Variants in ZNF71 observed in about 807,000 individuals in gnomAD.
ZNF71 encodes zinc finger protein 71, also known as endothelial zinc finger protein induced by tumor necrosis factor alpha.
Under a neutral mutation model 6.7 loss-of-function variants are expected in ZNF71, and 3 were observed. The ratio of observed to expected loss-of-function variants is 0.45; its 90% CI spans 0.20 to 1.16. The LOEUF (loss-of-function observed/expected upper bound fraction) is 1.16, where lower values mean the gene tolerates loss of function less well. ZNF71 is among the 50% of genes most tolerant of loss of function. The pLI, the probability that ZNF71 is intolerant of heterozygous loss-of-function variation, is 0.25. For synonymous variants in ZNF71, 343 were observed against 311.1 expected, an observed-to-expected ratio of 1.10 and a Z score of -1.08; for missense variants, 688 against 728.6, an observed-to-expected ratio of 0.94 and a Z score of 0.64.
chr19:56,615,858 A>G (rs1369561267), intron 3 of ZNF71, among the ~76,000 whole-genome samples: 1 of 152,138 alleles, frequency 6.6e-6, no homozygotes, highest in Non-Finnish European at 1.5e-5. Flanking sequence ...TATCTAAACA[A>G]TCTAACTCAA....
At position 56,622,784 on chromosome 19, in the gene ZNF71, C is replaced by T. The variant is rs775720585; in HGVS notation, c.*27C>T. The T allele has an allele frequency of 7.0e-6, 11 of 1,568,038 alleles. No individual in the cohort carries two copies. Among genetic ancestry groups the T allele is most frequent in the South Asian group, 6.0e-5 (5 of 83,110 alleles). On this transcript the variant is annotated 3_prime_UTR_variant, in exon 4 of 4. Transcript: ENST00000599599. ...CGCCTCTGTGCAGGGCTCTCACTGG[C>T]GGTGCCCAGGACGGACGCCAGATGG... is the stretch of plus-strand genomic sequence containing the variant.
At chr19:56,597,550 G>A (rs1022772874) in intron 1 of ZNF71, among the ~76,000 whole-genome samples, 2 of 152,200 alleles carry the variant, frequency 1.3e-5, no homozygotes, top group Non-Finnish European at 2.9e-5. Context: ...TCACAAAGGG[G>A]CTAAAGGTAT....
At chr19:56,620,066 G>T (rs368636187) in intron 3 of ZNF71, among the ~76,000 whole-genome samples, 3 of 152,320 alleles carry the variant, frequency 2.0e-5, no homozygotes, top group East Asian at 1.9e-4. Flanking sequence ...GGCAGCGTGT[G>T]ACGTAGCAAC....
chr19:56,622,693 G>A lies in ZNF71; in HGVS notation c.1586G>A (p.Gly529Asp), dbSNP rs1371317112. ...ACGGGCGAGAAGCCCTACCGATGCGGCGAGTGCGGGAAGACCTTCAGCCGC... is the reference window on the plus strand; with the variant it reads ...ACGGGCGAGAAGCCCTACCGATGCGACGAGTGCGGGAAGACCTTCAGCCGC... Reference protein sequence around the residue: ...IHTGEKPYRCGECGKTFSRNT... With the variant: ...IHTGEKPYRCDECGKTFSRNT... Residue 529 changes from glycine (G) to aspartate (D), a missense_variant, in exon 4 of 4, where the codon GGC becomes GAC. Transcript: ENST00000599599. 6.2e-7 allele frequency: 1 copy of A among 1,613,914 alleles called. No individual in the cohort carries two copies. The highest frequency in any genetic ancestry group is 8.5e-7 in the Non-Finnish European group (1 of 1,179,842).
intron 2 of ZNF71, among the ~76,000 whole-genome samples, chr19:56,612,364 C>T (rs61142826): frequency 6.6e-6 from 1 of 152,024 alleles, no homozygotes; most frequent in African/African-American, 2.4e-5. Context: ...GTGATACACA[C>T]ACATATAATA....
Position 56,622,166 on chromosome 19 carries a change from C to G in ZNF71, c.1059C>G (p.Thr353=). ...MHLTEHQRTH[T]GEKPYACKEC... ...TGACCGAGCACCAGCGCACGCACAC[C>G]GGGGAGAAGCCGTACGCCTGCAAGG... The change falls in exon 4 of 4, where the codon ACC becomes ACG. Residue 353 remains threonine (T), a synonymous_variant. Coordinates refer to ENST00000599599, the MANE Select transcript of ZNF71 (RefSeq NM_001370215.1). The G allele has an allele frequency of 6.2e-7, 1 of 1,613,002 alleles. No individual in the cohort carries two copies. Among genetic ancestry groups the G allele is most frequent in the Non-Finnish European group, 8.5e-7 (1 of 1,179,668 alleles).
intron 3 of ZNF71, among the ~76,000 whole-genome samples, chr19:56,617,818 C>T (rs976237912): frequency 1.3e-5 from 2 of 152,144 alleles, no homozygotes; most frequent in African/African-American, 4.8e-5. Context: ...GCTTCCTCCC[C>T]TCTGTCCCTC....
chr19:56,619,274 C>T (rs1346004940), intron 3 of ZNF71, among the ~76,000 whole-genome samples: 1 of 152,064 alleles, frequency 6.6e-6, no homozygotes, highest in Non-Finnish European at 1.5e-5. Context: ...CAGCTCTTTT[C>T]ATCTCCCGCA....
rs1206024415 is a variant in ZNF71 at position 56,623,891 on chromosome 19, C to A, written c.*1134C>A. The A allele has an allele frequency of 6.0e-6, 1 of 167,052 alleles. No individual in the cohort carries two copies. The highest frequency in any genetic ancestry group is 1.9e-4 in the East Asian group (1 of 5,182). The allele number at this position is 167,052 out of a possible 1,614,324, so 10.3% of individuals were successfully genotyped here. A position where few individuals can be genotyped will look rare whatever the true frequency, so the allele number is the denominator to read the frequency against. Reference sequence around the variant, plus strand: ...AGTCACAAGGGCCCTGACCTCATGACCTCCCAAAGGTCCTCCCTCTTCATA... The same window carrying A: ...AGTCACAAGGGCCCTGACCTCATGAACTCCCAAAGGTCCTCCCTCTTCATA... On this transcript the variant is annotated 3_prime_UTR_variant, in exon 4 of 4. Transcript: ENST00000599599.
At chr19:56,607,115 A>AT (rs1255269895) in intron 2 of ZNF71, among the ~76,000 whole-genome samples, 2 of 152,148 alleles carry the variant, frequency 1.3e-5, no homozygotes, top group African/African-American at 2.4e-5. Flanking sequence ...GCATGGTTGA[A>AT]TTTTTACCCC....
At chr19:56,619,044 G>T (rs534954905) in intron 3 of ZNF71, among the ~76,000 whole-genome samples, 1 of 152,134 alleles carries the variant, frequency 6.6e-6, no homozygotes, top group Non-Finnish European at 1.5e-5. Context: ...GGCTGTTTGC[G>T]CACAGCAATG....
At chr19:56,608,472 T>C (rs563470595) in intron 2 of ZNF71, among the ~76,000 whole-genome samples, 2 of 152,248 alleles carry the variant, frequency 1.3e-5, no homozygotes, top group African/African-American at 4.8e-5. Context: ...GGCGGAATAA[T>C]ATCCCATTGT....
intron 2 of ZNF71, among the ~76,000 whole-genome samples, chr19:56,605,980 G>A (rs1181757534): frequency 6.6e-6 from 1 of 152,184 alleles, no homozygotes; most frequent in Non-Finnish European, 1.5e-5. Context: ...ACTCCCATCT[G>A]TGTGACCTCT....
intron 2 of ZNF71, among the ~76,000 whole-genome samples, chr19:56,606,760 C>T (rs1194659555): frequency 2.0e-5 from 3 of 152,034 alleles, no homozygotes; most frequent in Admixed American, 2.0e-4. Context: ...AATGAGACAC[C>T]TGTTGTGATG....
At chr19:56,604,058 G>C (rs2044691648) in intron 2 of ZNF71, among the ~76,000 whole-genome samples, 1 of 133,956 alleles carries the variant, frequency 7.5e-6, no homozygotes, top group African/African-American at 3.0e-5. Flanking sequence ...GTCTGGGCTT[G>C]GTGCCTGGAG....
At chr19:56,596,279 A>G (rs2148000500) in intron 1 of ZNF71, among the ~76,000 whole-genome samples, 1 of 151,722 alleles carries the variant, frequency 6.6e-6, no homozygotes, top group South Asian at 2.1e-4. Flanking sequence ...CTGTGTGTCC[A>G]CCTGTGTCTA....
rs1167048912 is a variant in ZNF71, at chr19:56,600,186, T to G, written c.-52-1321T>G. Among the ~76,000 whole-genome samples the G allele has an allele frequency of 1.0e-4, 3 of 28,644 alleles. No homozygotes were observed. In the African/African-American group the frequency reaches 1.2e-3, roughly 11 times the overall value. 18.8% of individuals were successfully genotyped at this position (28,644 alleles called of 152,430 possible). Reference sequence around the variant, plus strand: ...TCTTGGCTCACTGCAACCCTCTGTATTTTTTTTTTTTTTTTTTTTTTTGAG... The same window carrying G: ...TCTTGGCTCACTGCAACCCTCTGTAGTTTTTTTTTTTTTTTTTTTTTTGAG... On this transcript the variant is annotated intron_variant, in intron 1 of 3. Transcript: ENST00000599599.
intron 3 of ZNF71, among the ~76,000 whole-genome samples, chr19:56,615,654 C>T (rs1466356308): frequency 1.3e-5 from 2 of 151,484 alleles, no homozygotes; most frequent in Non-Finnish European, 2.9e-5. Context: ...TCCATTGCGT[C>T]ACAGAGCCAG....
At chr19:56,612,218 T>C (rs2044757047) in intron 2 of ZNF71, among the ~76,000 whole-genome samples, 1 of 152,182 alleles carries the variant, frequency 6.6e-6, no homozygotes, top group South Asian at 2.1e-4. Context: ...GGAAAATAAG[T>C]ATTTATATCA....
Sources: allele counts gnomAD v4.1 joint callset (sites outside exome capture counted in the v4.1 genomes callset), GRCh38; gene constraint gnomAD v4.1.1; transcripts MANE v1.5; gene names NCBI Gene and HGNC (gene_info 2026-07-23, HGNC 2026-07-21).